Variants in MARK2 observed in about 807,000 individuals in gnomAD.
MARK2 encodes microtubule affinity regulating kinase 2.
MARK2 carries 16 observed loss-of-function variants against 89.8 expected under a neutral mutation model. That is an observed-to-expected ratio of 0.18 (90% CI 0.12 to 0.27). MARK2 has a LOEUF of 0.27. Among genes scored for constraint, MARK2 ranks in the 10% least tolerant of loss-of-function variants. The probability of loss-of-function intolerance (pLI) is 1.00; values close to 1 mark genes in which losing one functional copy is unlikely to be tolerated. For missense variants in MARK2, 621 were observed against 1,049.9 expected (o/e 0.59, Z 5.65); for synonymous variants, 382 against 399.5 (o/e 0.96, Z 0.52).
intron 1 of MARK2, among the ~76,000 whole-genome samples, chr11:63,876,159 T>C (rs2135275981): frequency 6.6e-6 from 1 of 152,334 alleles, no homozygotes; most frequent in East Asian, 1.9e-4. Flanking sequence ...TACAGCAGCC[T>C]TTCTGCCTGG....
chr11:63,905,857 G>A (rs1485442744), intron 16 of MARK2, among the ~76,000 whole-genome samples: 5 of 152,104 alleles, frequency 3.3e-5, no homozygotes, highest in Non-Finnish European at 5.9e-5. Flanking sequence ...TCTGCTGGAG[G>A]AGCCAAAGCC....
At chr11:63,905,270 A>G (rs542121837) in intron 16 of MARK2, among the ~76,000 whole-genome samples, 1 of 152,200 alleles carries the variant, frequency 6.6e-6, no homozygotes, top group Admixed American at 6.5e-5. Flanking sequence ...GGCACCCCTC[A>G]TTCTCTGGCC....
At chr11:63,895,750 A>C (rs1467236359) in intron 3 of MARK2, 117 bp downstream of exon 3, 3 of 884,068 alleles carry the variant, frequency 3.4e-6, no homozygotes, top group East Asian at 2.4e-5. Context: ...GCTCACTGCA[A>C]CCTCCGCCTT....
At chr11:63,846,782 A>G (rs1355437118) in intron 1 of MARK2, among the ~76,000 whole-genome samples, 1 of 151,362 alleles carries the variant, frequency 6.6e-6, no homozygotes, top group African/African-American at 2.4e-5. Flanking sequence ...CAGCCTCCCG[A>G]GTAGCTGGGA....
At chr11:63,861,923 TC>T (rs111330590) in intron 1 of MARK2, among the ~76,000 whole-genome samples, 7,425 of 120,584 alleles carry the variant, frequency 0.062, 426 homozygotes, top group South Asian at 0.19. Context: ...TTTCTTTCTT[TC>T]TTTTTTTTTT....
chr11:63,841,077 C>T (rs2015990762), intron 1 of MARK2, among the ~76,000 whole-genome samples: 1 of 152,166 alleles, frequency 6.6e-6, no homozygotes, highest in Admixed American at 6.5e-5. Flanking sequence ...AGTGCTTCTG[C>T]CCCGGGGCTG....
At chr11:63,839,700 G>C (rs1459184347) in intron 1 of MARK2, 140 bp downstream of exon 1, 8 of 641,396 alleles carry the variant, frequency 1.2e-5, no homozygotes, top group Non-Finnish European at 1.9e-5. Flanking sequence ...TCCTGGCTCC[G>C]GCTCCGCACA....
chr11:63,862,176 C>G (rs951138897), intron 1 of MARK2, among the ~76,000 whole-genome samples: 10 of 152,062 alleles, frequency 6.6e-5, no homozygotes, highest in African/African-American at 9.7e-5. Context: ...CCACCCATCT[C>G]AGCTTCCCAA....
rs1030811445 is a variant in MARK2 at position 63,839,683 on chromosome 11, A to T, written c.54+123A>T. The T allele has an allele frequency of 1.3e-4, 87 of 676,906 alleles. No individual in the cohort carries two copies. In the Admixed American group the frequency reaches 2.5e-3, roughly 19 times the overall value. 41.9% of individuals were successfully genotyped at this position (676,906 alleles called of 1,614,324 possible). On this transcript the variant is annotated intron_variant, in intron 1 of 18. Transcript: ENST00000402010. Reference sequence around the variant, plus strand: ...TCCTGCAAGCCTCGGCTGCCCTGTCATCCGGCTCCTGGCTCCGGCTCCGCA... The same window carrying T: ...TCCTGCAAGCCTCGGCTGCCCTGTCTTCCGGCTCCTGGCTCCGGCTCCGCA...
At chr11:63,888,861 G>A in intron 1 of MARK2, 1 of 1,321,036 alleles carries the variant, frequency 7.6e-7, no homozygotes, top group Non-Finnish European at 9.9e-7. Flanking sequence ...CCCTAGGCCT[G>A]GCTCTTCCCG....
chr11:63,887,058 T>A (rs1939444310), intron 1 of MARK2, among the ~76,000 whole-genome samples: 1 of 152,230 alleles, frequency 6.6e-6, no homozygotes, highest in Non-Finnish European at 1.5e-5. Flanking sequence ...ACCACTGGGA[T>A]AGGCCTTTAA....
chr11:63,882,247 T>C (rs1191247640), intron 1 of MARK2, among the ~76,000 whole-genome samples: 1 of 151,748 alleles, frequency 6.6e-6, no homozygotes, highest in Non-Finnish European at 1.5e-5. Flanking sequence ...AGTCTTGCTC[T>C]GAGCCACCAT....
intron 1 of MARK2, among the ~76,000 whole-genome samples, chr11:63,875,061 C>T (rs1938664855): frequency 6.6e-6 from 1 of 152,024 alleles, no homozygotes; most frequent in Admixed American, 6.6e-5. Context: ...AGCAATCCTC[C>T]TGCCTCAGCC....
chr11:63,839,618 G>T, intron 1 of MARK2, 58 bp downstream of exon 1: 1 of 1,112,748 alleles, frequency 9.0e-7, no homozygotes, highest in East Asian at 2.8e-5. Context: ...ACCTTGCGGA[G>T]CCTCCTCCCT....
chr11:63,895,655 T>C, intron 3 of MARK2, 22 bp downstream of exon 3: 2 of 1,322,370 alleles, frequency 1.5e-6, no homozygotes, highest in Admixed American at 1.9e-5. Flanking sequence ...GCACCTCCTG[T>C]CCCTTTTTTT....
At chr11:63,853,376 G>A (rs2016669910) in intron 1 of MARK2, among the ~76,000 whole-genome samples, 1 of 151,636 alleles carries the variant, frequency 6.6e-6, no homozygotes, top group African/African-American at 2.4e-5. Context: ...TCCAGCCTGG[G>A]CGACAAGAGC....
intron 1 of MARK2, among the ~76,000 whole-genome samples, chr11:63,886,962 G>A (rs367963001): frequency 6.6e-6 from 1 of 152,232 alleles, no homozygotes; most frequent in African/African-American, 2.4e-5. Flanking sequence ...CGGAGGGCCC[G>A]GGCAAGCTTG....
At position 63,902,075 on chromosome 11, in the gene MARK2, A is replaced by G; in HGVS notation, c.1102-123A>G. 1 of 1,021,984 alleles carries G rather than the reference A, an allele frequency of 9.8e-7. No homozygotes were observed. Among genetic ancestry groups the G allele is most frequent in the Admixed American group, 2.5e-5 (1 of 40,726 alleles). The allele number at this position is 1,021,984 out of a possible 1,614,324, so 63.3% of individuals were successfully genotyped here. A position where few individuals can be genotyped will look rare whatever the true frequency, so the allele number is the denominator to read the frequency against. On this transcript the variant is annotated intron_variant, in intron 11 of 18. Coordinates refer to ENST00000402010, the MANE Select transcript of MARK2 (RefSeq NM_001039469.3). The surrounding 1 kb of genome is among the most constrained non-coding windows in gnomAD (Gnocchi z 4.2). ...GGGGATGTATTGGTCTTACAAGTGG[A>G]TGTCCGGTATGATCCTGGGGTGTTT...
chr11:63,886,465 C>T (rs2135302135), intron 1 of MARK2, among the ~76,000 whole-genome samples: 1 of 151,962 alleles, frequency 6.6e-6, no homozygotes, highest in Admixed American at 6.6e-5. Context: ...CACTCTGTTG[C>T]CCAGGCTGGA....
Sources: gnomAD v4.1 joint callset for allele counts (sites outside exome capture counted in the v4.1 genomes callset) on GRCh38, gnomAD v4.1.1 for gene constraint, Gnocchi (gnomAD v3.1) non-coding constraint, MANE v1.5 for transcripts, NCBI Gene and HGNC (gene_info 2026-07-23, HGNC 2026-07-21) for gene names.